The following KCTD11 variants were observed in gnomAD, a reference collection of about 807,000 sequenced individuals.
The protein encoded by KCTD11 is BTB/POZ domain-containing protein KCTD11.
Under a neutral mutation model 10.7 loss-of-function variants are expected in KCTD11, and 8 were observed. The observed-to-expected ratio is 0.74, with a 90% confidence interval of 0.44 to 1.34. KCTD11 has a LOEUF of 1.34. Ranked by LOEUF, KCTD11 falls within the 40% of genes most tolerant of loss-of-function variation. The probability of loss-of-function intolerance (pLI) is 0.01; values close to 1 mark genes in which losing one functional copy is unlikely to be tolerated. For missense variants in KCTD11, 346 were observed against 356.1 expected (o/e 0.97, Z 0.23); for synonymous variants, 153 against 160.8 (o/e 0.95, Z 0.37).
chr17:7,353,167 A>C lies in KCTD11; in HGVS notation c.342A>C (p.Glu114Asp). Residue 114 changes from glutamate to aspartate, a missense_variant, in exon 1 of 1, where the codon GAA (glutamate) becomes GAC (aspartate). Transcript: ENST00000333751. The surrounding 1 kb of genome is among the most constrained non-coding windows in gnomAD (Gnocchi z 4.9). The stretch of plus-strand genomic sequence containing the variant: ...GGCCCCTCCTGGACGCGCTGCGGGA[A>C]CTGGAGGCCTCTCAGGGGACCCCTG... The C allele has an allele frequency of 6.2e-7, 1 of 1,613,340 alleles. No individual in the cohort carries two copies. Among genetic ancestry groups the C allele is most frequent in the Non-Finnish European group, 8.5e-7 (1 of 1,179,796 alleles).
Position 7,352,513 on chromosome 17 carries a change from A to C in KCTD11, c.-313A>C. Reference sequence around the variant, plus strand: ...CGTCACCTGCTGGTTGGATTCCGGAAACCCACTGTCTGAAGACCACAGAGG... The same window carrying C: ...CGTCACCTGCTGGTTGGATTCCGGACACCCACTGTCTGAAGACCACAGAGG... On this transcript the variant is annotated 5_prime_UTR_variant, in exon 1 of 1. Coordinates refer to ENST00000333751, the MANE Select transcript of KCTD11 (RefSeq NM_001363642.1). This position sits in a 1 kb window ranked among gnomAD's most constrained non-coding sequence, Gnocchi z 4.5. 3.7e-6 allele frequency: 1 copy of C among 269,338 alleles called. No individual in the cohort carries two copies. 16.7% of individuals were successfully genotyped at this position (269,338 alleles called of 1,614,324 possible).
At position 7,354,553 on chromosome 17, in the gene KCTD11, G is replaced by GTGTT. The variant is rs2073455473; in HGVS notation, c.*914_*917dup. 6.0e-6 allele frequency: 1 copy of GTGTT among 167,340 alleles called. No homozygotes were observed. Among genetic ancestry groups the GTGTT allele is most frequent in the Admixed American group, 6.5e-5 (1 of 15,282 alleles). The allele number at this position is 167,340 out of a possible 1,614,324, so 10.4% of individuals were successfully genotyped here. A position where few individuals can be genotyped will look rare whatever the true frequency, so the allele number is the denominator to read the frequency against. On this transcript the variant is annotated 3_prime_UTR_variant, in exon 1 of 1. Transcript: ENST00000333751. ...GGTGTGTGTGTGTGTGTGTGTGTGT[G>GTGTT]TGTTTATGTGCACGCATGTATATGC... is the stretch of plus-strand genomic sequence containing the variant.
Position 7,352,596 on chromosome 17 carries a change from C to T in KCTD11, c.-230C>T. Reference sequence around the variant, plus strand: ...CAGACCTCAAGCTCCCTTCCCCTCTCTGGCTGCCCTCTGCTCTTTTCATCT... The same window carrying T: ...CAGACCTCAAGCTCCCTTCCCCTCTTTGGCTGCCCTCTGCTCTTTTCATCT... On this transcript the variant is annotated 5_prime_UTR_variant, in exon 1 of 1. Coordinates refer to ENST00000333751, the MANE Select transcript of KCTD11 (RefSeq NM_001363642.1). This position sits in a 1 kb window ranked among gnomAD's most constrained non-coding sequence, Gnocchi z 4.5. The T allele has an allele frequency of 6.7e-6, 3 of 449,766 alleles. No individual in the cohort carries two copies. The highest frequency in any genetic ancestry group is 1.2e-5 in the Non-Finnish European group (3 of 254,866). The allele number at this position is 449,766 out of a possible 1,614,324, so 27.9% of individuals were successfully genotyped here. A position where few individuals can be genotyped will look rare whatever the true frequency, so the allele number is the denominator to read the frequency against.
In KCTD11 at chr17:7,354,528, G is replaced by GGGGTGTGTGT. The variant is rs138695708; in HGVS notation, c.*888_*889insGGTGTGTGTG. The GGGGTGTGTGT allele has an allele frequency of 6.2e-6, 1 of 160,652 alleles. No homozygotes were observed. Among genetic ancestry groups the GGGGTGTGTGT allele is most frequent in the African/African-American group, 2.5e-5 (1 of 40,548 alleles). The allele number at this position is 160,652 out of a possible 1,614,324, so 10.0% of individuals were successfully genotyped here. ...TTGACAATTAGTAGTTTAATCACAG[G>GGGGTGTGTGT]GTGTGTGTGTGTGTGTGTGTGTGTG... On this transcript the variant is annotated 3_prime_UTR_variant, in exon 1 of 1. Coordinates refer to ENST00000333751, the MANE Select transcript of KCTD11 (RefSeq NM_001363642.1).
rs1396112804 is a variant in KCTD11 at position 7,352,950 on chromosome 17, G to A, written c.125G>A (p.Gly42Glu). ...ACCCGCTTCCCAGACTCTATGCTGG[G>A]GGCCATGTTTAGGGCCGGCACCCCC... The change falls in exon 1 of 1, where the codon GGG becomes GAG. Residue 42 changes from glycine to glutamate, a missense_variant. Transcript: ENST00000333751. The surrounding 1 kb of genome is among the most constrained non-coding windows in gnomAD (Gnocchi z 4.5). 3 of 1,588,082 alleles carry A rather than the reference G, an allele frequency of 1.9e-6. No individual in the cohort carries two copies. The highest frequency in any genetic ancestry group is 2.6e-6 in the Non-Finnish European group (3 of 1,162,914).
At position 7,352,514 on chromosome 17, in the gene KCTD11, A is replaced by C; in HGVS notation, c.-312A>C. On this transcript the variant is annotated 5_prime_UTR_variant, in exon 1 of 1. Transcript: ENST00000333751. The surrounding 1 kb of genome is among the most constrained non-coding windows in gnomAD (Gnocchi z 4.5). ...GTCACCTGCTGGTTGGATTCCGGAA[A>C]CCCACTGTCTGAAGACCACAGAGGG... 1 of 274,724 alleles carries C rather than the reference A, an allele frequency of 3.6e-6. No homozygotes were observed. The highest frequency in any genetic ancestry group is 6.8e-6 in the Non-Finnish European group (1 of 146,824). The allele number at this position is 274,724 out of a possible 1,614,324, so 17.0% of individuals were successfully genotyped here. A position where few individuals can be genotyped will look rare whatever the true frequency, so the allele number is the denominator to read the frequency against.
chr17:7,353,719 C>A lies in KCTD11; in HGVS notation c.*78C>A. 1.5e-6 allele frequency: 2 copies of A among 1,351,422 alleles called. No individual in the cohort carries two copies. Among genetic ancestry groups the A allele is most frequent in the Non-Finnish European group, 2.0e-6 (2 of 996,954 alleles). The allele number at this position is 1,351,422 out of a possible 1,614,324, so 83.7% of individuals were successfully genotyped here. On this transcript the variant is annotated 3_prime_UTR_variant, in exon 1 of 1. Transcript: ENST00000333751. The surrounding 1 kb of genome is among the most constrained non-coding windows in gnomAD (Gnocchi z 4.9). ...CCCCTGAAGCCTCTTTCCAGCTCTG[C>A]TTCAGGAGCTATGAGAGTCGGGACT... is the stretch of plus-strand genomic sequence containing the variant.
At position 7,352,618 on chromosome 17, in the gene KCTD11, A is replaced by T. The variant is rs1288048733; in HGVS notation, c.-208A>T. 2.2e-6 allele frequency: 1 copy of T among 459,612 alleles called. No individual in the cohort carries two copies. Among genetic ancestry groups the T allele is most frequent in the Non-Finnish European group, 3.8e-6 (1 of 261,214 alleles). The allele number at this position is 459,612 out of a possible 1,614,324, so 28.5% of individuals were successfully genotyped here. On this transcript the variant is annotated 5_prime_UTR_variant, in exon 1 of 1. Transcript: ENST00000333751. This position sits in a 1 kb window ranked among gnomAD's most constrained non-coding sequence, Gnocchi z 4.5. The stretch of plus-strand genomic sequence containing the variant: ...TCTCTGGCTGCCCTCTGCTCTTTTC[A>T]TCTCTTCTCTCAACCTTTTGGGGAT...
Position 7,353,697 on chromosome 17 carries a change from C to CAT in KCTD11, c.*56_*57insAT. 2 of 1,457,230 alleles carry CAT rather than the reference C, an allele frequency of 1.4e-6. No individual in the cohort carries two copies. The highest frequency in any genetic ancestry group is 1.8e-6 in the Non-Finnish European group (2 of 1,085,746). The allele number at this position is 1,457,230 out of a possible 1,614,324, so 90.3% of individuals were successfully genotyped here. A position where few individuals can be genotyped will look rare whatever the true frequency, so the allele number is the denominator to read the frequency against. On this transcript the variant is annotated 3_prime_UTR_variant, in exon 1 of 1. Transcript: ENST00000333751. This position sits in a 1 kb window ranked among gnomAD's most constrained non-coding sequence, Gnocchi z 4.9. Reference sequence around the variant, plus strand: ...GAGAGAGAATGGGGTACTAGCACCCCTGAAGCCTCTTTCCAGCTCTGCTTC... The same window carrying CAT: ...GAGAGAGAATGGGGTACTAGCACCCCATTGAAGCCTCTTTCCAGCTCTGCTTC...
chr17:7,354,857 T>G lies in KCTD11; in HGVS notation c.*1216T>G. 3.7e-6 allele frequency: 1 copy of G among 269,090 alleles called. No homozygotes were observed. Among genetic ancestry groups the G allele is most frequent in the Non-Finnish European group, 7.6e-6 (1 of 132,128 alleles). 16.7% of individuals were successfully genotyped at this position (269,090 alleles called of 1,614,324 possible). A position where few individuals can be genotyped will look rare whatever the true frequency, so the allele number is the denominator to read the frequency against. Reference sequence around the variant, plus strand: ...GCGGGTGGGATACTCACGCACAGCTTCTTCACTGGTGGGGGGTGGGGCACA... The same window carrying G: ...GCGGGTGGGATACTCACGCACAGCTGCTTCACTGGTGGGGGGTGGGGCACA... On this transcript the variant is annotated 3_prime_UTR_variant, in exon 1 of 1. Transcript: ENST00000333751.
chr17:7,353,922 C>T lies in KCTD11; in HGVS notation c.*281C>T. 2.6e-6 allele frequency: 1 copy of T among 386,026 alleles called. No individual in the cohort carries two copies. Among genetic ancestry groups the T allele is most frequent in the Non-Finnish European group, 4.9e-6 (1 of 205,802 alleles). 23.9% of individuals were successfully genotyped at this position (386,026 alleles called of 1,614,324 possible). ...CCTCCAGTCTCTCCTTGATTTGGAG[C>T]TCAGTGTTTAAGGGCTTGGAAAAGG... On this transcript the variant is annotated 3_prime_UTR_variant, in exon 1 of 1. Coordinates refer to ENST00000333751, the MANE Select transcript of KCTD11 (RefSeq NM_001363642.1). This position sits in a 1 kb window ranked among gnomAD's most constrained non-coding sequence, Gnocchi z 4.9.
chr17:7,353,828 C>G lies in KCTD11; in HGVS notation c.*187C>G. 3 of 579,806 alleles carry G rather than the reference C, an allele frequency of 5.2e-6. No individual in the cohort carries two copies. The highest frequency in any genetic ancestry group is 8.8e-6 in the Non-Finnish European group (3 of 339,590). The allele number at this position is 579,806 out of a possible 1,614,324, so 35.9% of individuals were successfully genotyped here. ...AGGACTCACAAGTGGTCCAGAAGGT[C>G]TCAACCTGTGCTGACCCTGGGAGGG... On this transcript the variant is annotated 3_prime_UTR_variant, in exon 1 of 1. Transcript: ENST00000333751. This position sits in a 1 kb window ranked among gnomAD's most constrained non-coding sequence, Gnocchi z 4.9.
rs1169517504 is a variant in KCTD11 at position 7,352,269 on chromosome 17, C to A, written c.-557C>A. 6.6e-6 allele frequency: 1 copy of A among 152,388 alleles called. No individual in the cohort carries two copies. Among genetic ancestry groups the A allele is most frequent in the East Asian group, 1.9e-4 (1 of 5,188 alleles). The allele number at this position is 152,388 out of a possible 1,614,324, so 9.4% of individuals were successfully genotyped here. On this transcript the variant is annotated 5_prime_UTR_variant, in exon 1 of 1. Transcript: ENST00000333751. The surrounding 1 kb of genome is among the most constrained non-coding windows in gnomAD (Gnocchi z 4.5). ...GTTTCCATCAGAGCCCTCGGACACT[C>A]CCAGCCCGGGCTGAGCACGCATCGT... is the stretch of plus-strand genomic sequence containing the variant.
rs3840878 is a variant in KCTD11, at chr17:7,354,528, G to GGTGTGT, written c.*910_*915dup. On this transcript the variant is annotated 3_prime_UTR_variant, in exon 1 of 1. Coordinates refer to ENST00000333751, the MANE Select transcript of KCTD11 (RefSeq NM_001363642.1). ...TTGACAATTAGTAGTTTAATCACAG[G>GGTGTGT]GTGTGTGTGTGTGTGTGTGTGTGTG... 66,789 of 161,792 alleles carry GGTGTGT rather than the reference G, an allele frequency of 0.41. 13,665 individuals carry two copies. The highest frequency in any genetic ancestry group is 0.47 in the Non-Finnish European group (31,314 of 67,106). The allele number at this position is 161,792 out of a possible 1,614,324, so 10.0% of individuals were successfully genotyped here. A position where few individuals can be genotyped will look rare whatever the true frequency, so the allele number is the denominator to read the frequency against.
chr17:7,353,124 C>A lies in KCTD11; in HGVS notation c.299C>A (p.Ala100Asp). ...GAGACAGCGCTGCTCAGGGCAGAGG[C>A]TGACTTCTACCAGATCCGGCCCCTC... The change falls in exon 1 of 1, where the codon GCT becomes GAT. Residue 100 changes from alanine to aspartate, a missense_variant. Transcript: ENST00000333751. The surrounding 1 kb of genome is among the most constrained non-coding windows in gnomAD (Gnocchi z 4.9). The A allele has an allele frequency of 6.2e-7, 1 of 1,613,082 alleles. No individual in the cohort carries two copies. Among genetic ancestry groups the A allele is most frequent in the Non-Finnish European group, 8.5e-7 (1 of 1,179,528 alleles).
At position 7,353,443 on chromosome 17, in the gene KCTD11, C is replaced by T. The variant is rs781628177; in HGVS notation, c.618C>T (p.Pro206=). The change falls in exon 1 of 1, where the codon CCC becomes CCT. Residue 206 remains proline, a synonymous_variant. Coordinates refer to ENST00000333751, the MANE Select transcript of KCTD11 (RefSeq NM_001363642.1). The surrounding 1 kb of genome is among the most constrained non-coding windows in gnomAD (Gnocchi z 4.9). ...GGGCCCCCCGCCCCGTGGAACTCCC[C>T]GAGGTGGAGTATGGGAGACTGGGGC... is the stretch of plus-strand genomic sequence containing the variant. 1.9e-6 allele frequency: 3 copies of T among 1,612,442 alleles called. No homozygotes were observed. Among genetic ancestry groups the T allele is most frequent in the Non-Finnish European group, 2.5e-6 (3 of 1,179,924 alleles).
Position 7,352,823 on chromosome 17 carries a change from A to C in KCTD11, c.-3A>C, listed in dbSNP as rs2073425687. On this transcript the variant is annotated 5_prime_UTR_variant, in exon 1 of 1. Transcript: ENST00000333751. The surrounding 1 kb of genome is among the most constrained non-coding windows in gnomAD (Gnocchi z 4.5). Reference sequence around the variant, plus strand: ...TCTTTCGGTGTCTCCTGTACTTCCCAAAATTTCTCCTCCTCCTGTGCCCTC... The same window carrying C: ...TCTTTCGGTGTCTCCTGTACTTCCCCAAATTTCTCCTCCTCCTGTGCCCTC... 1.3e-6 allele frequency: 1 copy of C among 756,766 alleles called. No individual in the cohort carries two copies. The highest frequency in any genetic ancestry group is 2.2e-6 in the Non-Finnish European group (1 of 456,788). 46.9% of individuals were successfully genotyped at this position (756,766 alleles called of 1,614,324 possible).
At position 7,353,424 on chromosome 17, in the gene KCTD11, C is replaced by T. The variant is rs2073436586; in HGVS notation, c.599C>T (p.Pro200Leu). Residue 200 changes from proline (P) to leucine (L), a missense_variant, in exon 1 of 1, where the codon CCC becomes CTC. Coordinates refer to ENST00000333751, the MANE Select transcript of KCTD11 (RefSeq NM_001363642.1). The surrounding 1 kb of genome is among the most constrained non-coding windows in gnomAD (Gnocchi z 4.9). ...CCACATTTTCATCTGGAGTGGGCCC[C>T]CCGCCCCGTGGAACTCCCCGAGGTG... The T allele has an allele frequency of 6.2e-7, 1 of 1,612,892 alleles. No individual in the cohort carries two copies. The highest frequency in any genetic ancestry group is 8.5e-7 in the Non-Finnish European group (1 of 1,179,996).
chr17:7,353,692 C>T lies in KCTD11; in HGVS notation c.*51C>T. The T allele has an allele frequency of 3.4e-6, 5 of 1,457,242 alleles. No homozygotes were observed. The highest frequency in any genetic ancestry group is 4.6e-6 in the Non-Finnish European group (5 of 1,083,940). 90.3% of individuals were successfully genotyped at this position (1,457,242 alleles called of 1,614,324 possible). ...GGGAGGAGAGAGAATGGGGTACTAGCACCCCTGAAGCCTCTTTCCAGCTCT... is the reference window on the plus strand; with the variant it reads ...GGGAGGAGAGAGAATGGGGTACTAGTACCCCTGAAGCCTCTTTCCAGCTCT... On this transcript the variant is annotated 3_prime_UTR_variant, in exon 1 of 1. Transcript: ENST00000333751. The surrounding 1 kb of genome is among the most constrained non-coding windows in gnomAD (Gnocchi z 4.9).
Sources: allele counts gnomAD v4.1 joint callset, GRCh38; gene constraint gnomAD v4.1.1; non-coding constraint Gnocchi (gnomAD v3.1); transcripts MANE v1.5; gene names NCBI Gene and HGNC (gene_info 2026-07-23, HGNC 2026-07-21).